JAZF1: variants seen among roughly 807,000 people sequenced by gnomAD.
The protein encoded by JAZF1 is juxtaposed with another zinc finger protein 1.
JAZF1 carries 8 observed loss-of-function variants against 26.4 expected under a neutral mutation model. That is an observed-to-expected ratio of 0.30 (90% CI 0.18 to 0.55). The LOEUF (loss-of-function observed/expected upper bound fraction) is 0.55. Ranked by LOEUF, JAZF1 falls within the 20% of genes least tolerant of loss-of-function variation. The pLI is 0.94. For synonymous variants in JAZF1, 126 were observed against 122.3 expected (o/e 1.03, Z -0.20); for missense variants, 199 against 322.0 (o/e 0.62, Z 2.92).
chr7:27,959,671 A>G (rs1204790573), intron 2 of JAZF1, among the ~76,000 whole-genome samples: 4 of 152,164 alleles, frequency 2.6e-5, no homozygotes, highest in Non-Finnish European at 5.9e-5. Context: ...AGGCCAAGGC[A>G]GGCAGATCCC....
At chr7:27,873,498 G>T (rs1422569732) in intron 3 of JAZF1, among the ~76,000 whole-genome samples, 1 of 152,144 alleles carries the variant, frequency 6.6e-6, no homozygotes, top group African/African-American at 2.4e-5. Flanking sequence ...CCCCTGGCTG[G>T]CTGTCTAGGT....
chr7:28,168,260 T>C (rs1387048082), intron 1 of JAZF1, among the ~76,000 whole-genome samples: 1 of 151,556 alleles, frequency 6.6e-6, no homozygotes, highest in Non-Finnish European at 1.5e-5. Flanking sequence ...CAGGCGCCTG[T>C]AGTCCCAGCT....
intron 1 of JAZF1, among the ~76,000 whole-genome samples, chr7:28,179,502 G>A (rs1783600773): frequency 6.6e-6 from 1 of 151,962 alleles, no homozygotes; most frequent in African/African-American, 2.4e-5. Flanking sequence ...CTCGGGCCTA[G>A]CACCATTAGA....
At chr7:27,877,327 C>T (rs1337847421) in intron 3 of JAZF1, among the ~76,000 whole-genome samples, 1 of 152,126 alleles carries the variant, frequency 6.6e-6, no homozygotes, top group Non-Finnish European at 1.5e-5. Flanking sequence ...CTACATAAAA[C>T]ATTTTCAGCT....
intron 1 of JAZF1, among the ~76,000 whole-genome samples, chr7:28,166,593 G>A (rs1441085715): frequency 2.0e-5 from 3 of 152,190 alleles, no homozygotes; most frequent in African/African-American, 7.2e-5. Context: ...TAATAATTAT[G>A]TTTTCTGCTT....
At position 27,840,184 on chromosome 7, in the gene JAZF1, C is replaced by T. The variant is rs1233877078; in HGVS notation, c.555+514G>A. 6.6e-6 allele frequency among the ~76,000 whole-genome samples: 1 copy of T among 152,130 alleles called. No homozygotes were observed. Among genetic ancestry groups the T allele is most frequent in the Non-Finnish European group, 1.5e-5 (1 of 68,026 alleles). Reference sequence around the variant, plus strand: ...TCAAAGGCCTTTTTTCTCCTGATCCCCTTTCATGCCACTGGGTGGAAGGAA... The same window carrying T: ...TCAAAGGCCTTTTTTCTCCTGATCCTCTTTCATGCCACTGGGTGGAAGGAA... On this transcript the variant is annotated intron_variant, in intron 4 of 4. Transcript: ENST00000283928. The surrounding 1 kb of genome is among the most constrained non-coding windows in gnomAD (Gnocchi z 5.1).
intron 1 of JAZF1, among the ~76,000 whole-genome samples, chr7:28,112,970 T>G (rs113163481): frequency 0.015 from 2,277 of 152,222 alleles, 23 homozygotes; most frequent in Non-Finnish European, 0.023. Context: ...AGGGAGAAAC[T>G]GAACCAGGTC....
At position 27,831,068 on chromosome 7, in the gene JAZF1, GC is replaced by G. The variant is rs1400371005; in HGVS notation, c.*1731del. On this transcript the variant is annotated 3_prime_UTR_variant, in exon 5 of 5. Coordinates refer to ENST00000283928, the MANE Select transcript of JAZF1 (RefSeq NM_175061.4). ...GGGCCTTCTTATGCACCAACTAGTTGCGTCTCATGTCTGGATCACCCTTTTA... is the reference window on the plus strand; with the variant it reads ...GGGCCTTCTTATGCACCAACTAGTTGGTCTCATGTCTGGATCACCCTTTTA... The G allele has an allele frequency of 9.0e-6, 2 of 222,274 alleles. No individual in the cohort carries two copies. Among genetic ancestry groups the G allele is most frequent in the African/African-American group, 4.5e-5 (2 of 44,858 alleles). The allele number at this position is 222,274 out of a possible 1,614,324, so 13.8% of individuals were successfully genotyped here.
chr7:27,938,213 C>A (rs1784786536), intron 2 of JAZF1, among the ~76,000 whole-genome samples: 2 of 152,208 alleles, frequency 1.3e-5, no homozygotes, highest in Admixed American at 6.5e-5. Context: ...TGAATGGTAA[C>A]ATCCATCCTC....
At chr7:27,927,605 A>T (rs544580097) in intron 2 of JAZF1, among the ~76,000 whole-genome samples, 1 of 152,314 alleles carries the variant, frequency 6.6e-6, no homozygotes, top group East Asian at 1.9e-4. Context: ...TGCTTTTTAA[A>T]GTAAACTATA....
intron 1 of JAZF1, among the ~76,000 whole-genome samples, chr7:28,159,275 G>A (rs1165878053): frequency 1.3e-5 from 2 of 151,852 alleles, no homozygotes; most frequent in Non-Finnish European, 2.9e-5. Flanking sequence ...GGAACTCCCT[G>A]TACTACTTTT....
At chr7:28,022,306 C>T (rs1206107701) in intron 1 of JAZF1, among the ~76,000 whole-genome samples, 1 of 152,180 alleles carries the variant, frequency 6.6e-6, no homozygotes, top group Admixed American at 6.5e-5. Flanking sequence ...GCAGCACTGC[C>T]CTTAACTGCT....
At chr7:28,156,355 T>C (rs1783185518) in intron 1 of JAZF1, among the ~76,000 whole-genome samples, 1 of 152,246 alleles carries the variant, frequency 6.6e-6, no homozygotes, top group African/African-American at 2.4e-5. Context: ...AGTCACTTCG[T>C]GGCTTTGGCA....
At chr7:28,085,579 T>C (rs1429119054) in intron 1 of JAZF1, among the ~76,000 whole-genome samples, 2 of 152,208 alleles carry the variant, frequency 1.3e-5, no homozygotes, top group African/African-American at 4.8e-5. Context: ...CCGTGATTTT[T>C]TATGACCACG....
chr7:27,884,858 C>A (rs1027726222), intron 3 of JAZF1, among the ~76,000 whole-genome samples: 1 of 152,164 alleles, frequency 6.6e-6, no homozygotes, highest in Non-Finnish European at 1.5e-5. Flanking sequence ...TTGGTAAATA[C>A]CTAGAGTGGA....
chr7:28,032,365 T>C (rs1260713425), intron 1 of JAZF1, among the ~76,000 whole-genome samples: 3 of 152,124 alleles, frequency 2.0e-5, no homozygotes, highest in African/African-American at 7.2e-5. Flanking sequence ...AATTTGGAAA[T>C]TAATAATAAG....
chr7:27,917,385 T>C (rs1784459301), intron 2 of JAZF1, among the ~76,000 whole-genome samples: 1 of 152,186 alleles, frequency 6.6e-6, no homozygotes, highest in Non-Finnish European at 1.5e-5. Flanking sequence ...ACAATATTGT[T>C]TACATCAATC....
At chr7:27,940,699 G>T (rs1446573051) in intron 2 of JAZF1, among the ~76,000 whole-genome samples, 1 of 152,130 alleles carries the variant, frequency 6.6e-6, no homozygotes, top group Non-Finnish European at 1.5e-5. Context: ...GATCAGAAGG[G>T]GTTTACACCA....
chr7:27,952,632 G>A (rs1040142709), intron 2 of JAZF1, among the ~76,000 whole-genome samples: 2 of 152,202 alleles, frequency 1.3e-5, no homozygotes, highest in Non-Finnish European at 2.9e-5. Flanking sequence ...TGTTCTCTGG[G>A]CTATGAATCA....
Sources: allele counts gnomAD v4.1 joint callset (sites outside exome capture counted in the v4.1 genomes callset), GRCh38; gene constraint gnomAD v4.1.1; non-coding constraint Gnocchi (gnomAD v3.1); transcripts MANE v1.5; gene names NCBI Gene and HGNC (gene_info 2026-07-23, HGNC 2026-07-21).